The following PIK3C2G variants were observed in gnomAD, a reference collection of about 807,000 sequenced individuals.
PIK3C2G encodes the protein phosphatidylinositol-4-phosphate 3-kinase catalytic subunit type 2 gamma.
Under a neutral mutation model 181.1 loss-of-function variants are expected in PIK3C2G, and 168 were observed. That is an observed-to-expected ratio of 0.93 (90% confidence interval 0.82 to 1.05). The LOEUF is 1.05. PIK3C2G is among the 50% of genes least tolerant of loss of function. The pLI, the probability that PIK3C2G is intolerant of heterozygous loss-of-function variation, is 0.00. For missense variants in PIK3C2G, 1,869 were observed against 1,732.8 expected, an observed-to-expected ratio of 1.08 and a Z score of -1.40; for synonymous variants, 573 against 592.2, an observed-to-expected ratio of 0.97 and a Z score of 0.47.
the PIK3C2G span, among the ~76,000 whole-genome samples, chr12:18,660,067 T>A: frequency 6.6e-6 from 1 of 152,140 alleles, no homozygotes; most frequent in Non-Finnish European, 1.5e-5. Context: ...AACAGAACAA[T>A]TACACTGACA....
At chr12:18,614,090 C>T (rs779709194) in intron 31 of PIK3C2G, among the ~76,000 whole-genome samples, 14 of 152,034 alleles carry the variant, frequency 9.2e-5, no homozygotes, top group Non-Finnish European at 1.9e-4. Context: ...ATCCTAGATG[C>T]ACTTCAATCT....
intron 18 of PIK3C2G, among the ~76,000 whole-genome samples, chr12:18,478,703 C>T (rs1014388600): frequency 2.6e-5 from 4 of 152,138 alleles, no homozygotes; most frequent in Admixed American, 6.6e-5. Context: ...TAAGGCTGGG[C>T]ATGGTGGCTC....
intron 28 of PIK3C2G, among the ~76,000 whole-genome samples, chr12:18,565,988 G>C (rs1277695561): frequency 6.6e-6 from 1 of 151,960 alleles, no homozygotes; most frequent in Non-Finnish European, 1.5e-5. Flanking sequence ...ATGCTCAATT[G>C]ATTGTATACT....
At chr12:18,410,449 G>A (rs1200138041) in intron 16 of PIK3C2G, among the ~76,000 whole-genome samples, 3 of 149,390 alleles carry the variant, frequency 2.0e-5, no homozygotes, top group Non-Finnish European at 4.4e-5. Flanking sequence ...AGGTTGCAGT[G>A]AGCCAAGATT....
At chr12:18,575,948 A>T (rs940313461) in intron 29 of PIK3C2G, among the ~76,000 whole-genome samples, 118 of 152,192 alleles carry the variant, frequency 7.8e-4, no homozygotes, top group African/African-American at 2.8e-3. Context: ...TGAAAACCTA[A>T]GGGACTGAAA....
chr12:18,650,739 T>G (rs1479344446), downstream of PIK3C2G, among the ~76,000 whole-genome samples: 3 of 33,804 alleles, frequency 8.9e-5, no homozygotes, highest in Admixed American at 7.8e-4. Flanking sequence ...TATATATATA[T>G]ATATATATAT....
chr12:18,628,290 AT>A (rs2136706709), intron 31 of PIK3C2G, among the ~76,000 whole-genome samples: 1 of 152,334 alleles, frequency 6.6e-6, no homozygotes, highest in East Asian at 1.9e-4. Flanking sequence ...ACATATGAAA[AT>A]ACTGAAGAGT....
chr12:18,599,250 A>C (rs1052741961), intron 30 of PIK3C2G, among the ~76,000 whole-genome samples: 1 of 152,194 alleles, frequency 6.6e-6, no homozygotes, highest in African/African-American at 2.4e-5. Context: ...AACCAACCCA[A>C]ATGTCCAACA....
At chr12:18,636,578 T>C (rs1466129133) in intron 31 of PIK3C2G, among the ~76,000 whole-genome samples, 4 of 152,154 alleles carry the variant, frequency 2.6e-5, no homozygotes, top group Admixed American at 6.5e-5. Context: ...GCCAGGTCAA[T>C]AGCTGCATAC....
upstream of PIK3C2G, among the ~76,000 whole-genome samples, chr12:18,244,134 C>T (rs1342575279): frequency 6.6e-6 from 1 of 151,502 alleles, no homozygotes; most frequent in African/African-American, 2.4e-5. Flanking sequence ...TTCAAAATGC[C>T]AAATCAAGCA....
chr12:18,303,527 T>C (rs1950298891), intron 5 of PIK3C2G, among the ~76,000 whole-genome samples: 1 of 151,970 alleles, frequency 6.6e-6, no homozygotes, highest in Non-Finnish European at 1.5e-5. Flanking sequence ...TGGAGACAGG[T>C]CTTCACCATG....
intron 9 of PIK3C2G, among the ~76,000 whole-genome samples, chr12:18,342,588 T>G (rs1285750647): frequency 6.6e-6 from 1 of 151,908 alleles, no homozygotes; most frequent in Non-Finnish European, 1.5e-5. Context: ...TATTTCCTTT[T>G]GGGCTGAAAC....
chr12:18,282,156 C>G lies in PIK3C2G; in HGVS notation c.75C>G (p.Leu25=), dbSNP rs751967299. The change falls in exon 2 of 33, where the codon CTC becomes CTG. Residue 25 remains leucine, a synonymous_variant. Coordinates refer to ENST00000538779, the MANE Select transcript of PIK3C2G (RefSeq NM_001288772.2). Reference sequence around the variant, plus strand: ...AGCAGTATGAACACCAAGAATTTCTCTTTGTAAATCAACCCCATTCTTCTA... The same window carrying G: ...AGCAGTATGAACACCAAGAATTTCTGTTTGTAAATCAACCCCATTCTTCTA... The part of the protein sequence containing the change: ...HEKQYEHQEF[L]FVNQPHSSSQ... The G allele has an allele frequency of 1.2e-6, 2 of 1,610,840 alleles. No homozygotes were observed. The highest frequency in any genetic ancestry group is 4.5e-5 in the East Asian group (2 of 44,766).
chr12:18,263,258 A>C (rs1948327682), intron 1 of PIK3C2G, among the ~76,000 whole-genome samples: 1 of 152,024 alleles, frequency 6.6e-6, no homozygotes. Flanking sequence ...GAGTTCTGTA[A>C]GTTATCTTAT....
intron 26 of PIK3C2G, among the ~76,000 whole-genome samples, chr12:18,553,257 AT>A (rs796175762): frequency 2.0e-5 from 3 of 151,842 alleles, no homozygotes; most frequent in Non-Finnish European, 4.4e-5. Flanking sequence ...GTTAAGATTT[AT>A]TTTTTTTGCT....
At chr12:18,521,048 A>C (rs904881834) in intron 24 of PIK3C2G, among the ~76,000 whole-genome samples, 3 of 151,920 alleles carry the variant, frequency 2.0e-5, no homozygotes, top group Non-Finnish European at 2.9e-5. Flanking sequence ...TTCAGGCTCT[A>C]TTCATCTGGT....
intron 20 of PIK3C2G, among the ~76,000 whole-genome samples, chr12:18,494,762 C>A (rs1010694989): frequency 4.6e-5 from 7 of 152,060 alleles, no homozygotes; most frequent in Non-Finnish European, 1.0e-4. Context: ...TCATGTGATC[C>A]CTAATTAGCT....
At chr12:18,537,304 C>A (rs569607685) in intron 24 of PIK3C2G, among the ~76,000 whole-genome samples, 1 of 152,216 alleles carries the variant, frequency 6.6e-6, no homozygotes, top group African/African-American at 2.4e-5. Context: ...TCTAACCTTT[C>A]ACCAAATTAG....
rs144051602 is a variant in PIK3C2G at position 18,400,542 on chromosome 12, T to C, written c.2315+695T>C. Among the ~76,000 whole-genome samples the C allele has an allele frequency of 3.2e-3, 480 of 152,252 alleles. 2 individuals are homozygous for C. Among genetic ancestry groups the C allele is most frequent in the Middle Eastern group, 0.014 (4 of 294 alleles). ...CAATCTCTTGAGCCAGGCAAAAAATTGTGAAACCCCGCTCTATTCTGAATC... is the reference window on the plus strand; with the variant it reads ...CAATCTCTTGAGCCAGGCAAAAAATCGTGAAACCCCGCTCTATTCTGAATC... On this transcript the variant is annotated intron_variant, in intron 16 of 32. Transcript: ENST00000538779.
Sources: allele counts gnomAD v4.1 joint callset (sites outside exome capture counted in the v4.1 genomes callset), GRCh38; gene constraint gnomAD v4.1.1; transcripts MANE v1.5; gene names NCBI Gene and HGNC (gene_info 2026-07-23, HGNC 2026-07-21).